GTF2H5: variants seen among roughly 807,000 people sequenced by gnomAD.
The protein encoded by GTF2H5 is TFB5 ortholog.
GTF2H5 carries 5 observed loss-of-function variants against 7.1 expected under a neutral mutation model. That is an observed-to-expected ratio of 0.71 (90% confidence interval 0.37 to 1.49). The LOEUF (loss-of-function observed/expected upper bound fraction) is 1.49. Ranked by LOEUF, GTF2H5 falls within the 40% of genes most tolerant of loss-of-function variation. The pLI is 0.03. For missense variants in GTF2H5, 80 were observed against 83.0 expected, an observed-to-expected ratio of 0.96 and a Z score of 0.14; for synonymous variants, 30 against 31.7, an observed-to-expected ratio of 0.95 and a Z score of 0.18.
chr6:158,171,589 TG>T (rs1271912255), intron 2 of GTF2H5, among the ~76,000 whole-genome samples: 1 of 152,110 alleles, frequency 6.6e-6, no homozygotes, highest in Non-Finnish European at 1.5e-5. Context: ...TGGCATGAGA[TG>T]AAGACTGGAG....
chr6:158,180,670 G>C (rs1785997504), intron 2 of GTF2H5, among the ~76,000 whole-genome samples: 1 of 152,108 alleles, frequency 6.6e-6, no homozygotes, highest in Admixed American at 6.5e-5. Context: ...GGTGTTTATA[G>C]TATTCTGATG....
rs1777036380 is a variant in GTF2H5, at chr6:158,191,990, A to T, written c.49A>T (p.Lys17Ter). ...TTGTCTTTACAGTGATCCTGCCATG[A>T]AGCAGTTTCTGCTGTACTTGGATGA... is the stretch of plus-strand genomic sequence containing the variant. ...GVLIECDPAM[K>*]QFLLYLDESN... The change falls in exon 3 of 3, where the codon AAG (lysine) becomes TAG (stop). Residue 17 changes from lysine to a stop codon, truncating the protein, a stop_gained. Coordinates refer to ENST00000607778, the MANE Select transcript of GTF2H5 (RefSeq NM_207118.3). LOFTEE classifies it high-confidence loss of function. 2 of 1,613,926 alleles carry T rather than the reference A, an allele frequency of 1.2e-6. No individual in the cohort carries two copies. Among genetic ancestry groups the T allele is most frequent in the Non-Finnish European group, 1.7e-6 (2 of 1,179,784 alleles).
At chr6:158,182,021 C>G (rs1216226477) in intron 2 of GTF2H5, among the ~76,000 whole-genome samples, 1 of 152,124 alleles carries the variant, frequency 6.6e-6, no homozygotes, top group Non-Finnish European at 1.5e-5. Context: ...ACCGGTTGTT[C>G]CTTTCCATGT....
chr6:158,169,714 A>ATATATTATATAATATAATATATTG (rs1785798873), intron 1 of GTF2H5, among the ~76,000 whole-genome samples: 1 of 48,622 alleles, frequency 2.1e-5, no homozygotes, highest in Admixed American at 3.9e-4. Context: ...ATTGTATATT[A>ATATATTATATAATATAATATATTG]TATATTATAT....
At chr6:158,186,621 C>T (rs1776926940) in intron 2 of GTF2H5, among the ~76,000 whole-genome samples, 1 of 152,176 alleles carries the variant, frequency 6.6e-6, no homozygotes, top group Non-Finnish European at 1.5e-5. Context: ...AAGGACATGC[C>T]CATGACATAT....
chr6:158,170,260 C>T (rs567385561), intron 1 of GTF2H5, among the ~76,000 whole-genome samples: 9 of 151,892 alleles, frequency 5.9e-5, no homozygotes, highest in East Asian at 1.9e-4. Context: ...AATTGGCTGG[C>T]GAGTAAGATG....
chr6:158,187,156 G>A (rs370896698), intron 2 of GTF2H5, among the ~76,000 whole-genome samples: 8 of 152,004 alleles, frequency 5.3e-5, no homozygotes, highest in Non-Finnish European at 7.4e-5. Flanking sequence ...CACCACGCCC[G>A]GCTAATTTTT....
chr6:158,187,949 C>G (rs183067564), intron 2 of GTF2H5, among the ~76,000 whole-genome samples: 3 of 152,280 alleles, frequency 2.0e-5, no homozygotes, highest in East Asian at 3.9e-4. Flanking sequence ...AACCCCCATT[C>G]CCATCATGGC....
chr6:158,169,686 A>ATATATATTATATAATATAT (rs1785787741), intron 1 of GTF2H5, among the ~76,000 whole-genome samples: 3 of 29,736 alleles, frequency 1.0e-4, no homozygotes, highest in East Asian at 2.0e-3. Context: ...ATAATATATA[A>ATATATATTATATAATATAT]TATATATTAT....
intron 2 of GTF2H5, among the ~76,000 whole-genome samples, chr6:158,188,263 G>T (rs1776962646): frequency 6.6e-6 from 1 of 152,120 alleles, no homozygotes; most frequent in Non-Finnish European, 1.5e-5. Flanking sequence ...CATCATACCT[G>T]TCTACTGTTG....
intron 2 of GTF2H5, among the ~76,000 whole-genome samples, chr6:158,186,827 G>T (rs1233382071): frequency 6.6e-6 from 1 of 152,180 alleles, no homozygotes; most frequent in Non-Finnish European, 1.5e-5. Context: ...TTTCTTATTG[G>T]CAGTTGATTG....
chr6:158,171,891 C>G (rs1008595434), intron 2 of GTF2H5, among the ~76,000 whole-genome samples: 1 of 152,176 alleles, frequency 6.6e-6, no homozygotes, highest in African/African-American at 2.4e-5. Context: ...ATCTGGACCC[C>G]AGAAGTTCTA....
intron 2 of GTF2H5, chr6:158,190,781 A>AT (rs1285580635): frequency 2.7e-6 from 1 of 372,780 alleles, no homozygotes; most frequent in South Asian, 2.0e-5. Flanking sequence ...ATTATATGAG[A>AT]TTTTTTTCTC....
In GTF2H5 at chr6:158,193,263, CAG is replaced by C. The variant is rs1270861960; in HGVS notation, c.*1109_*1110del. ...GCTACTGCCACTCCAGCCTAGGTGA[CAG>C]AGTGAGACCCTGTCTCCAAAAAAAA... is the stretch of plus-strand genomic sequence containing the variant. On this transcript the variant is annotated 3_prime_UTR_variant, in exon 3 of 3. Transcript: ENST00000607778. 1 of 151,658 alleles carries C rather than the reference CAG, an allele frequency of 6.6e-6. No homozygotes were observed. Among genetic ancestry groups the C allele is most frequent in the Non-Finnish European group, 1.5e-5 (1 of 67,988 alleles). 9.4% of individuals were successfully genotyped at this position (151,658 alleles called of 1,614,324 possible).
Position 158,194,194 on chromosome 6 carries a change from G to T in GTF2H5, c.*2037G>T, listed in dbSNP as rs533126486. 2.6e-5 allele frequency: 4 copies of T among 152,148 alleles called. No homozygotes were observed. Among genetic ancestry groups the T allele is most frequent in the Admixed American group, 2.0e-4 (3 of 15,284 alleles). 9.4% of individuals were successfully genotyped at this position (152,148 alleles called of 1,614,324 possible). On this transcript the variant is annotated 3_prime_UTR_variant, in exon 3 of 3. Coordinates refer to ENST00000607778, the MANE Select transcript of GTF2H5 (RefSeq NM_207118.3). ...ATTTTTGCCACTGAAGTAAAAAAGAGAAAAAAAGATATTTATGAGAAAACT... is the reference window on the plus strand; with the variant it reads ...ATTTTTGCCACTGAAGTAAAAAAGATAAAAAAAGATATTTATGAGAAAACT...
Position 158,192,260 on chromosome 6 carries a change from A to C in GTF2H5, c.*103A>C. 1.1e-6 allele frequency: 1 copy of C among 875,248 alleles called. No homozygotes were observed. The highest frequency in any genetic ancestry group is 1.9e-6 in the Non-Finnish European group (1 of 530,324). The allele number at this position is 875,248 out of a possible 1,614,324, so 54.2% of individuals were successfully genotyped here. A position where few individuals can be genotyped will look rare whatever the true frequency, so the allele number is the denominator to read the frequency against. On this transcript the variant is annotated 3_prime_UTR_variant, in exon 3 of 3. Transcript: ENST00000607778. ...ATTAGACATAGAGGGTTGTTTTAGG[A>C]GCATGCCACGGGAAAGACTGAGGGA... is the stretch of plus-strand genomic sequence containing the variant.
At chr6:158,169,764 TTA>T (rs1333077828) in intron 1 of GTF2H5, among the ~76,000 whole-genome samples, 191 of 96,500 alleles carry the variant, frequency 2.0e-3, no homozygotes, top group East Asian at 3.6e-3. Context: ...ATATTGTATA[TTA>T]TATATAATAT....
intron 2 of GTF2H5, among the ~76,000 whole-genome samples, chr6:158,173,100 A>C (rs569467695): frequency 9.9e-5 from 15 of 152,244 alleles, no homozygotes; most frequent in Non-Finnish European, 1.8e-4. Flanking sequence ...TTGTGCATAC[A>C]AAGAATCTTG....
In GTF2H5 at chr6:158,175,044, G is replaced by GTGTGTGTATATGTGTGTGTGTGTGTGTA; in HGVS notation, c.35+4507_35+4508insGTGTGTATATGTGTGTGTGTGTGTGTAT. On this transcript the variant is annotated intron_variant, in intron 2 of 2. Coordinates refer to ENST00000607778, the MANE Select transcript of GTF2H5 (RefSeq NM_207118.3). Reference sequence around the variant, plus strand: ...TGTGTGTGTGTGTGTGTGTGTGTGTGTATACACACACACACACATACACAT... The same window carrying GTGTGTGTATATGTGTGTGTGTGTGTGTA: ...TGTGTGTGTGTGTGTGTGTGTGTGTGTGTGTGTATATGTGTGTGTGTGTGTGTATATACACACACACACACATACACAT... 6.4e-3 allele frequency among the ~76,000 whole-genome samples: 912 copies of GTGTGTGTATATGTGTGTGTGTGTGTGTA among 142,782 alleles called. 10 individuals are homozygous for GTGTGTGTATATGTGTGTGTGTGTGTGTA. The highest frequency in any genetic ancestry group is 0.023 in the African/African-American group (855 of 37,546). 93.7% of individuals were successfully genotyped at this position (142,782 alleles called of 152,430 possible). A position where few individuals can be genotyped will look rare whatever the true frequency, so the allele number is the denominator to read the frequency against.
Sources: allele counts gnomAD v4.1 joint callset (sites outside exome capture counted in the v4.1 genomes callset), GRCh38; gene constraint gnomAD v4.1.1; transcripts MANE v1.5; gene names NCBI Gene and HGNC (gene_info 2026-07-23, HGNC 2026-07-21).